DIPK2A: variants seen among roughly 807,000 people sequenced by gnomAD.
DIPK2A encodes divergent protein kinase domain 2A.
DIPK2A carries 27 observed loss-of-function variants against 39.0 expected under a neutral mutation model. The ratio of observed to expected loss-of-function variants is 0.69; its 90% CI spans 0.51 to 0.96. DIPK2A has a LOEUF of 0.96. DIPK2A is among the 40% of genes least tolerant of loss of function. The pLI is 0.00. For missense variants in DIPK2A, 528 were observed against 571.3 expected (o/e 0.92, Z 0.77); for synonymous variants, 298 against 240.8 (o/e 1.24, Z -2.20).
Position 143,972,586 on chromosome 3 carries a change from TC to T in DIPK2A, c.256del (p.Leu86SerfsTer3). The part of the protein sequence containing the change: ...EAWGRLRLLD[F>X]LNVKNVYFAQ... Reference sequence around the variant, plus strand: ...TGGGGCCGCTTGCGCCTGCTGGACTTCCTCAACGTGAAGAACGTGTACTTCG... The same window carrying T: ...TGGGGCCGCTTGCGCCTGCTGGACTTCTCAACGTGAAGAACGTGTACTTCG... On this transcript the variant is annotated frameshift_variant, in exon 1 of 3. Transcript: ENST00000315691. LOFTEE classifies it high-confidence loss of function. 1.2e-6 allele frequency: 2 copies of T among 1,612,178 alleles called. No individual in the cohort carries two copies. The highest frequency in any genetic ancestry group is 1.7e-6 in the Non-Finnish European group (2 of 1,179,702).
At chr3:143,977,129 CAT>C (rs775721217) in intron 1 of DIPK2A, among the ~76,000 whole-genome samples, 1 of 151,956 alleles carries the variant, frequency 6.6e-6, no homozygotes, top group Non-Finnish European at 1.5e-5. Flanking sequence ...TAGGGAACAA[CAT>C]ATTTTTTAAG....
At chr3:143,986,551 C>T (rs548811585) in intron 2 of DIPK2A, among the ~76,000 whole-genome samples, 139 of 151,944 alleles carry the variant, frequency 9.1e-4, no homozygotes, top group African/African-American at 3.1e-3. Context: ...GGTGAAACCC[C>T]GTCTCTACTA....
chr3:143,976,531 A>T lies in DIPK2A; in HGVS notation c.657+3542A>T, dbSNP rs913097538. 2.9e-4 allele frequency among the ~76,000 whole-genome samples: 41 copies of T among 142,724 alleles called. 1 individual carries two copies. The highest frequency in any genetic ancestry group is 8.4e-4 in the African/African-American group (31 of 37,082). 93.6% of individuals were successfully genotyped at this position (142,724 alleles called of 152,430 possible). ...ACCTATTGAATTTACAGAAAGGGAG[A>T]GTGTGTGTGTGTGTGTGTGTGTGTG... On this transcript the variant is annotated intron_variant, in intron 1 of 2. Transcript: ENST00000315691.
chr3:143,987,330 G>GAATAATTATT (rs1320453308), intron 2 of DIPK2A, among the ~76,000 whole-genome samples: 2 of 152,012 alleles, frequency 1.3e-5, no homozygotes, highest in Middle Eastern at 3.2e-3. Flanking sequence ...GACATTCCTG[G>GAATAATTATT]AATAATTATT....
rs150490506 is a variant in DIPK2A, at chr3:143,989,759, A to C, written c.1211A>C (p.Asn404Thr). The C allele has an allele frequency of 1.9e-6, 3 of 1,614,106 alleles. No homozygotes were observed. The highest frequency in any genetic ancestry group is 1.3e-5 in the African/African-American group (1 of 74,948). The change falls in exon 3 of 3, where the codon AAC (asparagine) becomes ACC (threonine). Residue 404 changes from asparagine (N) to threonine (T), a missense_variant. By Grantham distance (65) the Asn-to-Thr change is moderately conservative. Coordinates refer to ENST00000315691, the MANE Select transcript of DIPK2A (RefSeq NM_173552.5). ...RLEALLDECA[N>T]PKKRYGRFQA... Reference sequence around the variant, plus strand: ...GAGGCCTTGCTGGATGAGTGTGCCAACCCAAAGAAGCGCTATGGCAGATTC... The same window carrying C: ...GAGGCCTTGCTGGATGAGTGTGCCACCCCAAAGAAGCGCTATGGCAGATTC...
At chr3:143,978,658 ATCTATATATAGATATATATATATC>A (rs1559854249) in intron 1 of DIPK2A, 532 of 46,336 alleles carry the variant, frequency 0.011, 4 homozygotes, top group African/African-American at 0.046. Context: ...ATATATATAT[ATCTATATATAGATATATATATATC>A]TATATATATA....
At chr3:143,986,691 C>G (rs1449592068) in intron 2 of DIPK2A, among the ~76,000 whole-genome samples, 2 of 146,462 alleles carry the variant, frequency 1.4e-5, no homozygotes, top group Non-Finnish European at 3.0e-5. Context: ...CGCCACTGCA[C>G]TCCAGCCTGG....
In DIPK2A at chr3:143,978,683, T is replaced by TATATAG. The variant is rs1491578932; in HGVS notation, c.657+5699_657+5700insGATATA. ...ATCTATATATAGATATATATATATC[T>TATATAG]ATATATATATATATATATACTGTCA... On this transcript the variant is annotated intron_variant, in intron 1 of 2. Transcript: ENST00000315691. Among the ~76,000 whole-genome samples the TATATAG allele has an allele frequency of 1.2e-4, 12 of 99,876 alleles. No homozygotes were observed. The East Asian group carries it at 2.9e-3, about 25-fold the overall frequency. The allele number at this position is 99,876 out of a possible 152,430, so 65.5% of individuals were successfully genotyped here.
At chr3:143,978,697 T>TAG (rs1428198284) in intron 1 of DIPK2A, among the ~76,000 whole-genome samples, 2 of 141,700 alleles carry the variant, frequency 1.4e-5, no homozygotes, top group Admixed American at 7.2e-5. Flanking sequence ...TATATATATA[T>TAG]ATATACTGTC....
In DIPK2A at chr3:143,985,713, C is replaced by T. The variant is rs776175469; in HGVS notation, c.828C>T (p.Asn276=). The T allele has an allele frequency of 1.2e-6, 2 of 1,614,060 alleles. No individual in the cohort carries two copies. The highest frequency in any genetic ancestry group is 1.3e-5 in the African/African-American group (1 of 74,934). Residue 276 remains asparagine (N), a synonymous_variant, in exon 2 of 3, where the codon AAC becomes AAT. Coordinates refer to ENST00000315691, the MANE Select transcript of DIPK2A (RefSeq NM_173552.5). ...TGGAAATAGCAGAACAGCTTACAAA[C>T]AATGACTTTGAATTTGCACTCTACC... ...QLMEIAEQLT[N]NDFEFALYLL... is the part of the protein sequence containing the mutation.
chr3:143,984,209 C>A (rs1449816287), intron 1 of DIPK2A, among the ~76,000 whole-genome samples: 1 of 152,186 alleles, frequency 6.6e-6, no homozygotes, highest in African/African-American at 2.4e-5. Context: ...TCCCTATTAG[C>A]AGTAAGGCTG....
intron 1 of DIPK2A, among the ~76,000 whole-genome samples, chr3:143,982,174 T>C (rs1209369861): frequency 6.6e-6 from 1 of 152,210 alleles, no homozygotes; most frequent in East Asian, 1.9e-4. Context: ...GTTTAGTGAC[T>C]AGTCTATATA....
At chr3:143,978,854 A>G (rs1210321234) in intron 1 of DIPK2A, among the ~76,000 whole-genome samples, 1 of 151,648 alleles carries the variant, frequency 6.6e-6, no homozygotes, top group Non-Finnish European at 1.5e-5. Flanking sequence ...CACATTCTGT[A>G]TTACCACAAA....
intron 1 of DIPK2A, among the ~76,000 whole-genome samples, chr3:143,974,774 C>T (rs1357750513): frequency 3.3e-5 from 5 of 151,822 alleles, no homozygotes; most frequent in African/African-American, 7.3e-5. Context: ...ATTTTAAGAA[C>T]ATTATGTGGC....
intron 1 of DIPK2A, 147 bp downstream of exon 1, chr3:143,973,136 G>T (rs1377902469): frequency 1.7e-6 from 2 of 1,176,434 alleles, no homozygotes; most frequent in East Asian, 2.5e-5. Flanking sequence ...GGCGTCTCCG[G>T]GGGAGCCCCG....
At chr3:143,986,370 T>G (rs918744931) in intron 2 of DIPK2A, among the ~76,000 whole-genome samples, 2 of 152,226 alleles carry the variant, frequency 1.3e-5, no homozygotes, top group Non-Finnish European at 2.9e-5. Flanking sequence ...CCCAAAACTT[T>G]GCTCTCCATT....
intron 2 of DIPK2A, among the ~76,000 whole-genome samples, chr3:143,988,717 C>T (rs2087941495): frequency 6.6e-6 from 1 of 152,116 alleles, no homozygotes; most frequent in Non-Finnish European, 1.5e-5. Context: ...CTTATAGCTC[C>T]TTTATATTTA....
intron 2 of DIPK2A, chr3:143,986,116 A>G (rs2087896297): frequency 2.6e-6 from 1 of 379,090 alleles, no homozygotes. Context: ...TGCCTACCTT[A>G]GACATACTCA....
intron 1 of DIPK2A, among the ~76,000 whole-genome samples, chr3:143,978,686 A>ATC (rs1182674816): frequency 1.6e-5 from 2 of 128,786 alleles, no homozygotes; most frequent in Non-Finnish European, 3.2e-5. Flanking sequence ...ATATATCTAT[A>ATC]TATATATATA....
Sources: gnomAD v4.1 joint callset for allele counts (sites outside exome capture counted in the v4.1 genomes callset) on GRCh38, gnomAD v4.1.1 for gene constraint, MANE v1.5 for transcripts, NCBI Gene and HGNC (gene_info 2026-07-23, HGNC 2026-07-21) for gene names.